Variants in ACAD11 observed in about 807,000 individuals in gnomAD.
ACAD11 encodes acyl-CoA dehydrogenase family member 11.
In ACAD11, 83 loss-of-function variants were observed where a neutral mutation model predicts 102.2. The observed-to-expected ratio is 0.81, with a 90% CI of 0.68 to 0.97. The LOEUF (loss-of-function observed/expected upper bound fraction) is 0.97. Ranked by LOEUF, ACAD11 falls within the 50% of genes least tolerant of loss-of-function variation. ACAD11 has a pLI of 0.00. For missense variants in ACAD11, 901 were observed against 951.7 expected, an observed-to-expected ratio of 0.95 and a Z score of 0.70; for synonymous variants, 324 against 319.8, an observed-to-expected ratio of 1.01 and a Z score of -0.14.
intron 19 of ACAD11, 101 bp from the exon 20 acceptor site, chr3:132,559,186 C>T (rs1936973652): frequency 2.4e-6 from 2 of 832,966 alleles, no homozygotes; most frequent in Middle Eastern, 2.3e-4. Context: ...TATATTAATT[C>T]TTAAATTCCA....
At chr3:132,559,453 G>T (rs934969283) in intron 19 of ACAD11, among the ~76,000 whole-genome samples, 1 of 152,046 alleles carries the variant, frequency 6.6e-6, no homozygotes. Context: ...GATAGAGAAG[G>T]TGACACTGTA....
intron 11 of ACAD11, among the ~76,000 whole-genome samples, chr3:132,615,646 G>A (rs1430400164): frequency 6.6e-6 from 1 of 152,152 alleles, no homozygotes; most frequent in African/African-American, 2.4e-5. Flanking sequence ...TGGACACAGG[G>A]AGGGGAACAT....
intron 13 of ACAD11, among the ~76,000 whole-genome samples, chr3:132,584,899 T>A (rs1024195324): frequency 1.3e-5 from 2 of 152,152 alleles, no homozygotes; most frequent in Non-Finnish European, 2.9e-5. Flanking sequence ...GAATCAATAT[T>A]ATGAAAATGG....
chr3:132,618,768 A>C lies in ACAD11; in HGVS notation c.1280T>G (p.Met427Arg). ...GTTCCAGAGACCCTCGACTTTGGCC[A>C]TTTCCTGTCAAGGTGATGAACATGC... ...KPLVIDKLKEMAKVEGLWNLF... is the reference protein window; with the variant it reads ...KPLVIDKLKERAKVEGLWNLF... The change falls in exon 11 of 20, where the codon ATG becomes AGG. Residue 427 changes from methionine (M) to arginine (R), a missense_variant. Coordinates refer to ENST00000264990, the MANE Select transcript of ACAD11 (RefSeq NM_032169.5). The C allele has an allele frequency of 6.3e-7, 1 of 1,588,100 alleles. No homozygotes were observed. Among genetic ancestry groups the C allele is most frequent in the Non-Finnish European group, 8.5e-7 (1 of 1,170,446 alleles).
At chr3:132,592,348 A>G (rs72998156) in intron 13 of ACAD11, among the ~76,000 whole-genome samples, 5,152 of 152,272 alleles carry the variant, frequency 0.034, 144 homozygotes, top group South Asian at 0.073. Flanking sequence ...AGAACAGAGA[A>G]CATTTAAACA....
intron 5 of ACAD11, among the ~76,000 whole-genome samples, chr3:132,635,474 C>G (rs1940238248): frequency 6.6e-6 from 1 of 152,138 alleles, no homozygotes; most frequent in African/African-American, 2.4e-5. Context: ...TACACACATT[C>G]TTGTAGCTTT....
At chr3:132,628,244 G>A in intron 8 of ACAD11, 96 bp downstream of exon 8, 1 of 694,286 alleles carries the variant, frequency 1.4e-6, no homozygotes, top group Non-Finnish European at 2.3e-6. Flanking sequence ...CCTGGTGTAT[G>A]CAATAAAAAT....
intron 9 of ACAD11, among the ~76,000 whole-genome samples, chr3:132,623,780 G>C (rs1484525399): frequency 6.6e-6 from 1 of 152,114 alleles, no homozygotes; most frequent in Non-Finnish European, 1.5e-5. Flanking sequence ...CCTCTTCTGT[G>C]CTGCAGTTTC....
In ACAD11 at chr3:132,628,457, A is replaced by G; in HGVS notation, c.964-11T>C. Reference sequence around the variant, plus strand: ...TCTGCTATATACTCCCTATAAATAAACATAGAACAATTAAAATTCATTGAA... The same window carrying G: ...TCTGCTATATACTCCCTATAAATAAGCATAGAACAATTAAAATTCATTGAA... On this transcript the variant is annotated splice_polypyrimidine_tract_variant and intron_variant, in intron 7 of 19. Transcript: ENST00000264990. 1 of 1,530,872 alleles carries G rather than the reference A, an allele frequency of 6.5e-7. No individual in the cohort carries two copies. The highest frequency in any genetic ancestry group is 8.9e-7 in the Non-Finnish European group (1 of 1,122,826). The allele number at this position is 1,530,872 out of a possible 1,614,324, so 94.8% of individuals were successfully genotyped here.
intron 17 of ACAD11, among the ~76,000 whole-genome samples, chr3:132,565,285 A>G (rs775473495): frequency 3.3e-5 from 5 of 152,134 alleles, no homozygotes; most frequent in Admixed American, 6.5e-5. Context: ...ACTGGCCAGT[A>G]ATAAGTCCCC....
Position 132,561,182 on chromosome 3 carries a change from A to G in ACAD11, c.2037T>C (p.Ile679=), listed in dbSNP as rs754151888. The G allele has an allele frequency of 1.1e-5, 17 of 1,613,350 alleles. No individual in the cohort carries two copies. The highest frequency in any genetic ancestry group is 1.4e-5 in the Non-Finnish European group (17 of 1,179,610). The change falls in exon 18 of 20, where the codon ATT becomes ATC. Residue 679 remains isoleucine (I), a synonymous_variant. Coordinates refer to ENST00000264990, the MANE Select transcript of ACAD11 (RefSeq NM_032169.5). ...VVAHWIAESR[I]AIEKIRLLTL... ...TCAACAAGCGGATCTTCTCAATGGC[A>G]ATGCGGCTTTCAGCAATCCAGTGAG...
At chr3:132,615,622 A>G (rs773182237) in intron 11 of ACAD11, among the ~76,000 whole-genome samples, 2 of 152,232 alleles carry the variant, frequency 1.3e-5, no homozygotes, top group African/African-American at 2.4e-5. Flanking sequence ...TAGGAGCTGA[A>G]CAATGAAAAC....
At chr3:132,606,652 C>A (rs1005153211) in intron 11 of ACAD11, among the ~76,000 whole-genome samples, 2 of 152,230 alleles carry the variant, frequency 1.3e-5, no homozygotes, top group African/African-American at 4.8e-5. Context: ...AGACGAAACT[C>A]CCATCTCCCT....
intron 17 of ACAD11, among the ~76,000 whole-genome samples, chr3:132,561,865 G>A (rs1463173420): frequency 6.6e-6 from 1 of 152,076 alleles, no homozygotes; most frequent in Non-Finnish European, 1.5e-5. Context: ...CCATTGATAG[G>A]TTCTCCATCA....
chr3:132,648,988 C>T (rs1452223313), intron 1 of ACAD11, among the ~76,000 whole-genome samples: 1 of 152,222 alleles, frequency 6.6e-6, no homozygotes, highest in Non-Finnish European at 1.5e-5. Flanking sequence ...TAGGGCTGTG[C>T]AAGATGTGCC....
chr3:132,635,508 T>A (rs1361497246), intron 5 of ACAD11, among the ~76,000 whole-genome samples: 2 of 152,184 alleles, frequency 1.3e-5, no homozygotes, highest in Non-Finnish European at 2.9e-5. Flanking sequence ...GGCTTTGGAA[T>A]CAGACAGGCC....
chr3:132,586,331 G>C (rs1289568885), intron 13 of ACAD11, among the ~76,000 whole-genome samples: 1 of 152,114 alleles, frequency 6.6e-6, no homozygotes, highest in Non-Finnish European at 1.5e-5. Context: ...TCACACACCA[G>C]AGCCTGTTGT....
chr3:132,640,540 T>C (rs1940452566), intron 4 of ACAD11, among the ~76,000 whole-genome samples: 1 of 152,182 alleles, frequency 6.6e-6, no homozygotes, highest in Non-Finnish European at 1.5e-5. Flanking sequence ...GACCATATTG[T>C]TTATTTGCTT....
chr3:132,624,586 C>T (rs1939737644), intron 9 of ACAD11, among the ~76,000 whole-genome samples: 1 of 102,568 alleles, frequency 9.7e-6, no homozygotes, highest in Non-Finnish European at 1.9e-5. Context: ...GCCTGGGCAA[C>T]AGAGCAAGAC....
Sources: allele counts gnomAD v4.1 joint callset (sites outside exome capture counted in the v4.1 genomes callset), GRCh38; gene constraint gnomAD v4.1.1; transcripts MANE v1.5; gene names NCBI Gene and HGNC (gene_info 2026-07-23, HGNC 2026-07-21).